Variants in ERBIN observed in about 807,000 individuals in gnomAD.
ERBIN encodes erbb2 interacting protein.
In ERBIN, 60 loss-of-function variants were observed where a neutral mutation model predicts 158.4. The observed-to-expected ratio is 0.38, with a 90% confidence interval of 0.31 to 0.47. ERBIN has a LOEUF of 0.47. Ranked by LOEUF, ERBIN falls within the 20% of genes least tolerant of loss-of-function variation. The probability of loss-of-function intolerance (pLI) is 0.99; values close to 1 mark genes in which losing one functional copy is unlikely to be tolerated. For synonymous variants in ERBIN, 594 were observed against 557.2 expected (o/e 1.07, Z -0.93); for missense variants, 1,610 against 1,648.0 (o/e 0.98, Z 0.40).
rs1207850445 is a variant in ERBIN, at chr5:66,072,226, G to A, written c.3691G>A (p.Gly1231Arg). 1 of 1,550,356 alleles carries A rather than the reference G, an allele frequency of 6.5e-7. No homozygotes were observed. Among genetic ancestry groups the A allele is most frequent in the African/African-American group, 1.4e-5 (1 of 73,122 alleles). ...TTGTCAAGATGGTATATTCATTTCA[G>A]GACAGCAGAACTACTCATCAGCCAC... ...DPCQDGIFIS[G>R]QQNYSSATLS... The change falls in exon 22 of 26, where the codon GGA becomes AGA. Residue 1231 changes from glycine (G) to arginine (R), a missense_variant. Transcript: ENST00000284037.
At chr5:66,033,186 G>A (rs1757061610) in intron 14 of ERBIN, among the ~76,000 whole-genome samples, 1 of 152,038 alleles carries the variant, frequency 6.6e-6, no homozygotes, top group Non-Finnish European at 1.5e-5. Flanking sequence ...TATTCTTTGT[G>A]CTTATTTGTA....
intron 1 of ERBIN, among the ~76,000 whole-genome samples, chr5:65,940,956 ATTTTG>A (rs1744930465): frequency 6.6e-6 from 1 of 152,154 alleles, no homozygotes; most frequent in East Asian, 1.9e-4. Context: ...GAGACTTTTC[ATTTTG>A]TTCTGTACTA....
intron 1 of ERBIN, among the ~76,000 whole-genome samples, chr5:65,967,390 C>G (rs1022057215): frequency 1.3e-5 from 2 of 151,980 alleles, no homozygotes; most frequent in African/African-American, 4.8e-5. Context: ...AATAGGTGTA[C>G]TAGTTTTTTT....
At chr5:65,947,350 C>T (rs1294350181) in intron 1 of ERBIN, among the ~76,000 whole-genome samples, 1 of 152,190 alleles carries the variant, frequency 6.6e-6, no homozygotes. Flanking sequence ...CTGCCTCCGT[C>T]TCCTGAGTAG....
intron 4 of ERBIN, among the ~76,000 whole-genome samples, chr5:66,005,161 T>C (rs1753456544): frequency 6.6e-6 from 1 of 151,960 alleles, no homozygotes. Context: ...TCATCTGAGG[T>C]GATAGTGATG....
At chr5:65,944,022 C>T (rs1745421856) in intron 1 of ERBIN, among the ~76,000 whole-genome samples, 1 of 152,010 alleles carries the variant, frequency 6.6e-6, no homozygotes, top group African/African-American at 2.4e-5. Context: ...ATGTATATAC[C>T]ACATTTTGCT....
intron 21 of ERBIN, among the ~76,000 whole-genome samples, chr5:66,071,722 ATT>A (rs372294339): frequency 4.0e-4 from 53 of 133,256 alleles, no homozygotes; most frequent in Admixed American, 6.1e-4. Context: ...ACAGCAGTTA[ATT>A]TTTTTTTTTT....
intron 21 of ERBIN, among the ~76,000 whole-genome samples, chr5:66,065,312 T>TA (rs772504789): frequency 3.3e-5 from 5 of 152,080 alleles, no homozygotes. Flanking sequence ...TTGCTAGACA[T>TA]ACTTATTATT....
intron 4 of ERBIN, among the ~76,000 whole-genome samples, chr5:66,005,547 TGG>T (rs1753492258): frequency 6.6e-6 from 1 of 152,090 alleles, no homozygotes. Flanking sequence ...GAATGAGCCC[TGG>T]TTGGGCAATC....
chr5:66,028,675 C>T (rs568850734), intron 14 of ERBIN, among the ~76,000 whole-genome samples: 2 of 152,074 alleles, frequency 1.3e-5, no homozygotes, highest in Non-Finnish European at 1.5e-5. Flanking sequence ...AAAGTCTACT[C>T]GGCAATTTCA....
intron 4 of ERBIN, among the ~76,000 whole-genome samples, chr5:66,004,381 T>C (rs1415550453): frequency 2.1e-5 from 3 of 140,472 alleles, no homozygotes; most frequent in African/African-American, 3.3e-5. Context: ...TGTGTGTGCG[T>C]GTGTGTGTGC....
rs925700448 is a variant in ERBIN at position 65,960,711 on chromosome 5, T to G, written c.-57-27924T>G. On this transcript the variant is annotated intron_variant, in intron 1 of 25. Coordinates refer to ENST00000284037, the MANE Select transcript of ERBIN (RefSeq NM_001253697.2). ...GAGGCATTGCTATCCTTGACAAGAT[T>G]TTTTGAAGTGGAGAGACAACACTTG... 2.0e-5 allele frequency among the ~76,000 whole-genome samples: 3 copies of G among 152,162 alleles called. 1 individual carries two copies. Among genetic ancestry groups the G allele is most frequent in the African/African-American group, 7.2e-5 (3 of 41,448 alleles).
chr5:66,033,922 A>G (rs1757133432), intron 14 of ERBIN, among the ~76,000 whole-genome samples: 1 of 152,136 alleles, frequency 6.6e-6, no homozygotes, highest in Admixed American at 6.5e-5. Context: ...CAGCCTGACC[A>G]ATATGGGGAA....
At chr5:66,025,229 C>T (rs981535168) in intron 10 of ERBIN, 6 of 431,860 alleles carry the variant, frequency 1.4e-5, no homozygotes, top group African/African-American at 2.1e-5. Context: ...CAAAAAAGTT[C>T]CTACTATCAG....
In ERBIN at chr5:66,038,314, CA is replaced by C. The variant is rs1228373663; in HGVS notation, c.1207-68del. The C allele has an allele frequency of 1.5e-5, 15 of 983,314 alleles. No homozygotes were observed. In the African/African-American group the frequency reaches 2.5e-4, roughly 16 times the overall value. 60.9% of individuals were successfully genotyped at this position (983,314 alleles called of 1,614,324 possible). On this transcript the variant is annotated intron_variant, in intron 14 of 25. Coordinates refer to ENST00000284037, the MANE Select transcript of ERBIN (RefSeq NM_001253697.2). ...ATAGAAAAAGTGGTGTGTACTTATG[CA>C]GAGGAATTGCTGAATATATATTTGC... is the stretch of plus-strand genomic sequence containing the variant.
At chr5:65,978,576 A>T (rs180870359) in intron 1 of ERBIN, among the ~76,000 whole-genome samples, 22 of 152,350 alleles carry the variant, frequency 1.4e-4, no homozygotes, top group African/African-American at 5.1e-4. Flanking sequence ...TGAATGTGGC[A>T]GTTTGCCCGC....
intron 21 of ERBIN, among the ~76,000 whole-genome samples, chr5:66,057,446 A>G (rs555894314): frequency 6.3e-4 from 96 of 152,306 alleles, no homozygotes; most frequent in Non-Finnish European, 2.4e-4. Context: ...AAACAGCAGA[A>G]TATTGTGCAA....
intron 1 of ERBIN, among the ~76,000 whole-genome samples, chr5:65,957,817 G>C (rs1335952869): frequency 1.5e-5 from 2 of 131,824 alleles, no homozygotes; most frequent in Non-Finnish European, 3.2e-5. Flanking sequence ...CCCACCTCCC[G>C]GACGGGGCGG....
intron 25 of ERBIN, among the ~76,000 whole-genome samples, chr5:66,077,759 TAC>T (rs70987111): frequency 0.058 from 8,045 of 138,860 alleles, 268 homozygotes; most frequent in African/African-American, 0.1. Context: ...TCCCTCCCTC[TAC>T]ACACACACAC....
Sources: gnomAD v4.1 joint callset for allele counts (sites outside exome capture counted in the v4.1 genomes callset) on GRCh38, gnomAD v4.1.1 for gene constraint, MANE v1.5 for transcripts, NCBI Gene and HGNC (gene_info 2026-07-23, HGNC 2026-07-21) for gene names.